The following CPVL variants were observed in gnomAD, a reference collection of about 807,000 sequenced individuals.
The protein encoded by CPVL is carboxypeptidase vitellogenic like.
CPVL carries 51 observed loss-of-function variants against 63.7 expected under a neutral mutation model. The ratio of observed to expected loss-of-function variants is 0.80; its 90% CI spans 0.64 to 1.01. The LOEUF is 1.01. Among genes scored for constraint, CPVL ranks in the 50% least tolerant of loss-of-function variants. The pLI is 0.00. For synonymous variants in CPVL, 195 were observed against 206.0 expected, an observed-to-expected ratio of 0.95 and a Z score of 0.46; for missense variants, 530 against 573.1, an observed-to-expected ratio of 0.92 and a Z score of 0.77.
intron 12 of CPVL, among the ~76,000 whole-genome samples, chr7:29,022,246 C>A (rs1787068153): frequency 6.6e-6 from 1 of 152,140 alleles, no homozygotes; most frequent in African/African-American, 2.4e-5. Context: ...GGAGATCAAC[C>A]CGGTCTGCTT....
intron 5 of CPVL, among the ~76,000 whole-genome samples, chr7:29,179,499 C>T (rs538293234): frequency 4.6e-5 from 7 of 152,324 alleles, no homozygotes; most frequent in African/African-American, 1.7e-4. Context: ...AGACTCAACA[C>T]AAATTCTTCA....
At chr7:29,183,522 G>A (rs938392142) in intron 4 of CPVL, among the ~76,000 whole-genome samples, 4 of 151,368 alleles carry the variant, frequency 2.6e-5, no homozygotes, top group African/African-American at 9.7e-5. Context: ...GTTTACAAGT[G>A]TGTGCCACCA....
chr7:29,189,068 A>G (rs940181930), intron 1 of CPVL, among the ~76,000 whole-genome samples: 2 of 150,386 alleles, frequency 1.3e-5, no homozygotes, highest in African/African-American at 4.9e-5. Context: ...CTCCTGTCTC[A>G]GCCTCCCGAG....
Position 29,051,814 on chromosome 7 carries a change from G to A in CPVL, c.1137+12247C>T, listed in dbSNP as rs78584463. Among the ~76,000 whole-genome samples, 827 of 151,728 alleles carry A rather than the reference G, an allele frequency of 5.5e-3. 1 individual carries two copies. Among genetic ancestry groups the A allele is most frequent in the Non-Finnish European group, 9.4e-3 (640 of 67,956 alleles). On this transcript the variant is annotated intron_variant, in intron 11 of 12. Coordinates refer to ENST00000265394, the MANE Select transcript of CPVL (RefSeq NM_031311.5). ...ACACAGGTTTATAGCAGCACAACTC[G>A]CAACTGCAAAATCCGTGGAACCAAA...
chr7:29,078,122 C>T (rs1359702700), intron 7 of CPVL, among the ~76,000 whole-genome samples: 1 of 152,110 alleles, frequency 6.6e-6, no homozygotes, highest in Non-Finnish European at 1.5e-5. Context: ...AAAGAGCCTT[C>T]CAACAAGAAT....
intron 1 of CPVL, among the ~76,000 whole-genome samples, chr7:29,133,084 C>T (rs988650422): frequency 2.0e-5 from 3 of 151,838 alleles, no homozygotes; most frequent in Non-Finnish European, 2.9e-5. Context: ...AAATCCACTA[C>T]GTATAGTATC....
At chr7:29,096,045 G>T in intron 4 of CPVL, 58 bp downstream of exon 4, 2 of 1,312,090 alleles carry the variant, frequency 1.5e-6, no homozygotes, top group Non-Finnish European at 1.1e-6. Context: ...TAGTTTTGGA[G>T]CAGGTATGAG....
At chr7:29,194,985 C>T (rs1294817791) in intron 1 of CPVL, 3 of 1,586,950 alleles carry the variant, frequency 1.9e-6, no homozygotes, top group South Asian at 1.1e-5. Flanking sequence ...TCGTCGGTGT[C>T]CTCCGGTGAG....
intron 11 of CPVL, among the ~76,000 whole-genome samples, chr7:29,058,385 G>A (rs914606172): frequency 6.6e-6 from 1 of 152,080 alleles, no homozygotes; most frequent in African/African-American, 2.4e-5. Flanking sequence ...CTGCAACCTT[G>A]TTATGATTAA....
At chr7:29,098,368 G>A (rs954815611) in intron 3 of CPVL, among the ~76,000 whole-genome samples, 1 of 152,160 alleles carries the variant, frequency 6.6e-6, no homozygotes, top group Non-Finnish European at 1.5e-5. Flanking sequence ...AGGGGCCCAG[G>A]GGGACCTGCT....
intron 11 of CPVL, among the ~76,000 whole-genome samples, chr7:29,041,005 A>T (rs77139515): frequency 6.6e-6 from 1 of 152,100 alleles, no homozygotes. Context: ...TGAATATAAA[A>T]GTCCTGGGGC....
intron 1 of CPVL, chr7:29,193,322 C>G (rs899455146): frequency 2.0e-5 from 3 of 151,998 alleles, no homozygotes; most frequent in African/African-American, 7.3e-5. Context: ...GATTATTTAA[C>G]ATTCATTATT....
At chr7:29,151,354 T>C (rs1405157710), upstream of CPVL, among the ~76,000 whole-genome samples, 1 of 152,218 alleles carries the variant, frequency 6.6e-6, no homozygotes, top group African/African-American at 2.4e-5. Context: ...ATCCAGATGG[T>C]TTAGCGCCCT....
intron 7 of CPVL, among the ~76,000 whole-genome samples, chr7:29,084,794 G>A (rs1785054445): frequency 6.6e-6 from 1 of 152,184 alleles, no homozygotes; most frequent in Non-Finnish European, 1.5e-5. Context: ...GATTATAGGT[G>A]TGTAGTGAGA....
intron 12 of CPVL, among the ~76,000 whole-genome samples, chr7:29,017,701 G>A (rs921935990): frequency 6.6e-6 from 1 of 152,188 alleles, no homozygotes; most frequent in African/African-American, 2.4e-5. Flanking sequence ...GTCACCTTGG[G>A]TGTGGATTCA....
At chr7:29,143,600 C>A (rs1792134818) in intron 1 of CPVL, among the ~76,000 whole-genome samples, 2 of 151,890 alleles carry the variant, frequency 1.3e-5, no homozygotes, top group Admixed American at 1.3e-4. Flanking sequence ...TACAGAGTCC[C>A]AAAAAGGAAA....
upstream of CPVL, chr7:29,195,340 G>A (rs1157650005): frequency 1.1e-5 from 3 of 277,866 alleles, no homozygotes; most frequent in Non-Finnish European, 2.0e-5. Flanking sequence ...AGGTTGGGGT[G>A]AAGCAGAGCG....
rs765512457 is a variant in CPVL at position 29,030,730 on chromosome 7, G to A, written c.1167C>T (p.Ile389=). The part of the protein sequence containing the change: ...KVLIYNGQLD[I]IVAAALTERS... ...GCTCTGTCAGGGCAGCTGCCACGAT[G>A]ATGTCCAGTTGGCCATTGTAGATCA... Residue 389 remains isoleucine (I), a synonymous_variant, in exon 12 of 13, where the codon ATC becomes ATT. Transcript: ENST00000265394. The A allele has an allele frequency of 1.9e-6, 3 of 1,612,032 alleles. No individual in the cohort carries two copies. The South Asian group carries it at 3.3e-5, about 18-fold the overall frequency.
chr7:29,145,161 T>C (rs1792356715), intron 1 of CPVL, among the ~76,000 whole-genome samples: 1 of 151,862 alleles, frequency 6.6e-6, no homozygotes, highest in Admixed American at 6.6e-5. Context: ...GCTCCAATTC[T>C]CCTTTTGGAC....
Sources: allele counts gnomAD v4.1 joint callset (sites outside exome capture counted in the v4.1 genomes callset), GRCh38; gene constraint gnomAD v4.1.1; transcripts MANE v1.5; gene names NCBI Gene and HGNC (gene_info 2026-07-23, HGNC 2026-07-21).